The following LRP1B variants were observed in gnomAD, a reference collection of about 807,000 sequenced individuals.
LRP1B encodes LDL receptor related protein 1B, also known as low-density lipoprotein receptor-related protein 1B.
In LRP1B, 217 loss-of-function variants were observed where a neutral mutation model predicts 556.6. That is an observed-to-expected ratio of 0.39 (90% CI 0.35 to 0.44). The LOEUF is 0.44. LRP1B is among the 20% of genes least tolerant of loss of function. The pLI is 1.00. For missense variants in LRP1B, 5,053 were observed against 5,620.8 expected (o/e 0.90, Z 3.23); for synonymous variants, 2,047 against 1,865.8 (o/e 1.10, Z -2.50).
chr2:141,817,012 T>G (rs1696579110), intron 1 of LRP1B, among the ~76,000 whole-genome samples: 1 of 152,170 alleles, frequency 6.6e-6, no homozygotes, highest in Admixed American at 6.5e-5. Context: ...AATTCAGTTT[T>G]TAAAAACATT....
chr2:140,783,506 C>T (rs1483360649), intron 32 of LRP1B, among the ~76,000 whole-genome samples: 1 of 123,786 alleles, frequency 8.1e-6, no homozygotes, highest in Non-Finnish European at 1.7e-5. Flanking sequence ...CATAAGGCTA[C>T]ACAGATGAAG....
chr2:140,820,694 A>G (rs1237390727), intron 31 of LRP1B, among the ~76,000 whole-genome samples: 2 of 152,152 alleles, frequency 1.3e-5, no homozygotes, highest in African/African-American at 4.8e-5. Context: ...GATAAGTAAA[A>G]TAGAACAAAA....
intron 2 of LRP1B, among the ~76,000 whole-genome samples, chr2:141,764,857 T>C (rs905804910): frequency 2.6e-5 from 4 of 152,188 alleles, no homozygotes; most frequent in Non-Finnish European, 4.4e-5. Flanking sequence ...AGCACAAATA[T>C]ATAACAGAAA....
At chr2:140,632,327 G>GAATC (rs1683916408) in intron 41 of LRP1B, among the ~76,000 whole-genome samples, 4 of 151,992 alleles carry the variant, frequency 2.6e-5, no homozygotes, top group Non-Finnish European at 4.4e-5. Context: ...ATAGCATATG[G>GAATC]ATTAGTGAAA....
chr2:140,557,370 C>T (rs967370528), intron 43 of LRP1B, among the ~76,000 whole-genome samples: 8 of 152,196 alleles, frequency 5.3e-5, no homozygotes, highest in African/African-American at 1.4e-4. Flanking sequence ...TAAAATTCAT[C>T]TTCTTCATTA....
At chr2:140,420,049 GT>G (rs1457628768) in intron 66 of LRP1B, among the ~76,000 whole-genome samples, 1 of 147,114 alleles carries the variant, frequency 6.8e-6, no homozygotes, top group African/African-American at 2.5e-5. Context: ...TTAGAAAGTA[GT>G]TTAGAACTGA....
intron 1 of LRP1B, among the ~76,000 whole-genome samples, chr2:141,931,950 G>A (rs1189841535): frequency 1.3e-5 from 2 of 151,916 alleles, no homozygotes; most frequent in Non-Finnish European, 2.9e-5. Context: ...TTTTTTCTAT[G>A]AGCAATGAGG....
chr2:141,892,205 G>A (rs1218754713), intron 1 of LRP1B, among the ~76,000 whole-genome samples: 3 of 151,246 alleles, frequency 2.0e-5, no homozygotes, highest in Non-Finnish European at 4.4e-5. Context: ...GATGAAAGAA[G>A]CCAAGAAAAA....
At chr2:140,480,655 G>T (rs1460170840) in intron 59 of LRP1B, among the ~76,000 whole-genome samples, 1 of 151,910 alleles carries the variant, frequency 6.6e-6, no homozygotes, top group Non-Finnish European at 1.5e-5. Flanking sequence ...TGACCAGGCT[G>T]GTCCCGAACT....
At chr2:141,053,828 ATG>A (rs59661474) in intron 10 of LRP1B, among the ~76,000 whole-genome samples, 6,661 of 150,210 alleles carry the variant, frequency 0.044, 162 homozygotes, top group South Asian at 0.068. Flanking sequence ...GTGTGTATAT[ATG>A]TGTGTGTGTG....
At chr2:141,768,376 T>A (rs763391840) in intron 2 of LRP1B, among the ~76,000 whole-genome samples, 6 of 152,194 alleles carry the variant, frequency 3.9e-5, no homozygotes, top group Non-Finnish European at 8.8e-5. Context: ...TCTTATTAAT[T>A]ACTGACATAT....
At chr2:140,413,894 C>A in intron 66 of LRP1B, among the ~76,000 whole-genome samples, 1 of 152,172 alleles carries the variant, frequency 6.6e-6, no homozygotes, top group Admixed American at 6.5e-5. Context: ...TAGTTCATAT[C>A]TTTTTTTCCA....
chr2:141,364,294 CGCAA>C lies in LRP1B; in HGVS notation c.344-109657_344-109654del, dbSNP rs1559030903. Among the ~76,000 whole-genome samples the C allele has an allele frequency of 4.4e-3, 666 of 149,992 alleles. 7 individuals carry two copies. The highest frequency in any genetic ancestry group is 0.016 in the African/African-American group (643 of 40,452). On this transcript the variant is annotated intron_variant, in intron 3 of 90. Coordinates refer to ENST00000389484, the MANE Select transcript of LRP1B (RefSeq NM_018557.3). Reference sequence around the variant, plus strand: ...TAACACACACACACACACACACACACGCAAACACACACACAGTTGAATGATTAAA... The same window carrying C: ...TAACACACACACACACACACACACACACACACACACAGTTGAATGATTAAA...
At chr2:140,922,678 T>A (rs141415170) in intron 21 of LRP1B, among the ~76,000 whole-genome samples, 1,761 of 151,898 alleles carry the variant, frequency 0.012, 48 homozygotes, top group Admixed American at 0.067. Flanking sequence ...ACAAATAAAT[T>A]AATTAATTAA....
intron 2 of LRP1B, among the ~76,000 whole-genome samples, chr2:141,582,827 C>CTTTTT (rs869158175): frequency 8.4e-5 from 6 of 71,750 alleles, no homozygotes; most frequent in Non-Finnish European, 1.2e-4. Context: ...ACCTATTAAA[C>CTTTTT]TTTTTTTTTT....
intron 3 of LRP1B, among the ~76,000 whole-genome samples, chr2:141,284,447 G>A (rs1685629215): frequency 6.6e-6 from 1 of 152,260 alleles, no homozygotes; most frequent in East Asian, 1.9e-4. Flanking sequence ...GGTGGTTATT[G>A]AATAGTTCTT....
At chr2:141,296,049 G>T (rs1007824048) in intron 3 of LRP1B, among the ~76,000 whole-genome samples, 10 of 152,040 alleles carry the variant, frequency 6.6e-5, no homozygotes, top group Non-Finnish European at 1.3e-4. Flanking sequence ...ACAAGTATAA[G>T]GTAGTAATTA....
intron 62 of LRP1B, among the ~76,000 whole-genome samples, chr2:140,455,381 T>A (rs1687055325): frequency 6.6e-6 from 1 of 152,196 alleles, no homozygotes; most frequent in Non-Finnish European, 1.5e-5. Flanking sequence ...GCAAGAGTAA[T>A]AATAACAACA....
chr2:140,926,056 C>CTTTTCTTTTTTTTTTT (rs1694875725), intron 20 of LRP1B, among the ~76,000 whole-genome samples: 1 of 86,016 alleles, frequency 1.2e-5, no homozygotes. Context: ...TGGAGATTTT[C>CTTTTCTTTTTTTTTTT]TTTTTTTTTT....
Sources: allele counts gnomAD v4.1 joint callset (sites outside exome capture counted in the v4.1 genomes callset), GRCh38; gene constraint gnomAD v4.1.1; transcripts MANE v1.5; gene names NCBI Gene and HGNC (gene_info 2026-07-23, HGNC 2026-07-21).